Variants in WDR4 observed in about 807,000 individuals in gnomAD.
The protein encoded by WDR4 is tRNA (guanine-N(7)-)-methyltransferase non-catalytic subunit WDR4.
WDR4 carries 47 observed loss-of-function variants against 48.6 expected under a neutral mutation model. The ratio of observed to expected loss-of-function variants is 0.97; its 90% confidence interval spans 0.77 to 1.23. The LOEUF is 1.23. Ranked by LOEUF, WDR4 falls within the 50% of genes most tolerant of loss-of-function variation. WDR4 has a pLI of 0.00. For missense variants in WDR4, 606 were observed against 551.6 expected (o/e 1.10, Z -0.99); for synonymous variants, 268 against 230.0 (o/e 1.17, Z -1.49).
At chr21:42,859,563 G>GGCCAGCGATCCACAGGT in intron 6 of WDR4, 99 bp downstream of exon 6, 4 of 1,350,770 alleles carry the variant, frequency 3.0e-6, no homozygotes, top group Non-Finnish European at 4.1e-6. Context: ...GCCAGCCAGG[G>GGCCAGCGATCCACAGGT]GCCAGCGATC....
At chr21:42,848,954 G>A (rs1325305383), downstream of WDR4, among the ~76,000 whole-genome samples, 30 of 111,190 alleles carry the variant, frequency 2.7e-4, no homozygotes, top group East Asian at 1.7e-3. Context: ...ACGATCACGC[G>A]GCGCGCACCT....
chr21:42,848,793 G>A (rs1478597071), downstream of WDR4, among the ~76,000 whole-genome samples: 7 of 46,444 alleles, frequency 1.5e-4, no homozygotes, highest in South Asian at 9.4e-4. Context: ...ACACGATCAC[G>A]CGGCGCGCAC....
upstream of WDR4, among the ~76,000 whole-genome samples, chr21:42,884,324 G>A (rs568257553): frequency 9.2e-5 from 14 of 152,242 alleles, no homozygotes; most frequent in African/African-American, 2.9e-4. Flanking sequence ...ATTGAACCTG[G>A]GAGGTAGAGG....
At chr21:42,881,407 G>A (rs1397696603), upstream of WDR4, among the ~76,000 whole-genome samples, 1 of 152,072 alleles carries the variant, frequency 6.6e-6, no homozygotes, top group Non-Finnish European at 1.5e-5. Flanking sequence ...CAGTTTGTTT[G>A]TTTGTTTGTT....
chr21:42,876,666 T>G, intron 2 of WDR4, 36 bp downstream of exon 2: 1 of 1,599,770 alleles, frequency 6.3e-7, no homozygotes, highest in Admixed American at 1.7e-5. Context: ...ATCGAACCAT[T>G]AAAGCAGGCC....
the WDR4 span, among the ~76,000 whole-genome samples, chr21:42,890,254 G>A: frequency 0.6 from 91,251 of 151,732 alleles, 28,173 homozygotes; most frequent in African/African-American, 0.71. Context: ...AAAGAAGTTC[G>A]GCCAGGCACG....
chr21:42,862,259 GAGGGGCAGGA>G lies in WDR4; in HGVS notation c.566+13_566+22del, dbSNP rs761002982. 1.3e-6 allele frequency: 2 copies of G among 1,577,356 alleles called. No homozygotes were observed. The highest frequency in any genetic ancestry group is 2.7e-5 in the African/African-American group (2 of 74,240). ...TTTCAAACAGACCTTCTTTCTGCTG[GAGGGGCAGGA>G]AGGGGCACTCACTCTGTGTGCCCCA... is the stretch of plus-strand genomic sequence containing the variant. On this transcript the variant is annotated intron_variant, in intron 5 of 10. Coordinates refer to ENST00000398208, the MANE Select transcript of WDR4 (RefSeq NM_018669.6). The surrounding 1 kb of genome is among the most constrained non-coding windows in gnomAD (Gnocchi z 4.3).
chr21:42,868,779 C>T (rs1020157042), intron 3 of WDR4, among the ~76,000 whole-genome samples: 2 of 152,222 alleles, frequency 1.3e-5, no homozygotes, highest in African/African-American at 4.8e-5. Flanking sequence ...CCAAGGAAAC[C>T]GCTGGACACC....
downstream of WDR4, among the ~76,000 whole-genome samples, chr21:42,848,343 T>TCA (rs35351329): frequency 2.8e-5 from 4 of 140,756 alleles, no homozygotes; most frequent in Admixed American, 7.2e-5. Flanking sequence ...AGTGCGCACC[T>TCA]CACACACACA....
intron 6 of WDR4, among the ~76,000 whole-genome samples, chr21:42,859,100 C>G (rs1329196174): frequency 1.3e-5 from 2 of 152,136 alleles, no homozygotes; most frequent in African/African-American, 4.8e-5. Context: ...GACACAGAAG[C>G]TGTACCCAAC....
intron 7 of WDR4, among the ~76,000 whole-genome samples, chr21:42,855,079 G>A (rs1021197938): frequency 1.3e-5 from 2 of 151,242 alleles, no homozygotes; most frequent in Non-Finnish European, 2.9e-5. Flanking sequence ...GCTGTGAGTC[G>A]AGATAGCACC....
At chr21:42,881,322 A>G (rs2058609153), upstream of WDR4, among the ~76,000 whole-genome samples, 1 of 152,204 alleles carries the variant, frequency 6.6e-6, no homozygotes, top group Non-Finnish European at 1.5e-5. Context: ...TTACTTTGAG[A>G]ACTTGTTACC....
Position 42,855,765 on chromosome 21 carries a change from GC to G in WDR4, c.642del (p.Arg214SerfsTer120). 6.4e-7 allele frequency: 1 copy of G among 1,551,982 alleles called. No homozygotes were observed. Among genetic ancestry groups the G allele is most frequent in the Non-Finnish European group, 8.7e-7 (1 of 1,147,232 alleles). On this transcript the variant is annotated frameshift_variant, in exon 7 of 11. Coordinates refer to ENST00000398208, the MANE Select transcript of WDR4 (RefSeq NM_018669.6). LOFTEE classifies it high-confidence loss of function. ...LLSSSGDGTL[R>X]LWEYRSGRQL... Reference sequence around the variant, plus strand: ...TGGCGGCCGCTCCTGTACTCCCAGAGCCTCAGGGTGCCGTCCTGCACAAACC... The same window carrying G: ...TGGCGGCCGCTCCTGTACTCCCAGAGCTCAGGGTGCCGTCCTGCACAAACC...
chr21:42,846,205 C>T (rs2145978524), downstream of WDR4, among the ~76,000 whole-genome samples: 1 of 152,272 alleles, frequency 6.6e-6, no homozygotes, highest in Non-Finnish European at 1.5e-5. Flanking sequence ...GTGGAAACTA[C>T]CCAAATGCCC....
rs188718257 is a variant in WDR4, at chr21:42,862,359, G to A, written c.489C>T (p.Ala163=). 83 of 1,611,260 alleles carry A rather than the reference G, an allele frequency of 5.2e-5. No individual in the cohort carries two copies. Among genetic ancestry groups the A allele is most frequent in the East Asian group, 4.2e-4 (19 of 44,816 alleles). The change falls in exon 5 of 11, where the codon GCC becomes GCT. Residue 163 remains alanine (A), a synonymous_variant. Coordinates refer to ENST00000398208, the MANE Select transcript of WDR4 (RefSeq NM_018669.6). This position sits in a 1 kb window ranked among gnomAD's most constrained non-coding sequence, Gnocchi z 4.3. ...TGACTCGGATCTTCTCGTCCCGGTC[G>A]GCAGTGAGGATGAAGCGGTCATCAG... ...VSPDDRFILT[A]DRDEKIRVSW... is the part of the protein sequence containing the mutation.
chr21:42,855,811 T>G (rs1299170194), intron 6 of WDR4, 31 bp from the exon 7 acceptor site: 1 of 1,510,552 alleles, frequency 6.6e-7, no homozygotes, highest in African/African-American at 1.4e-5. Context: ...GGTTAGCACA[T>G]GGTTGTGGGG....
At chr21:42,856,988 G>A (rs2058010223) in intron 6 of WDR4, among the ~76,000 whole-genome samples, 1 of 152,200 alleles carries the variant, frequency 6.6e-6, no homozygotes, top group Non-Finnish European at 1.5e-5. Context: ...AAACCTGGGG[G>A]CTGGAGGCCA....
chr21:42,857,751 T>C (rs1213492679), intron 6 of WDR4, among the ~76,000 whole-genome samples: 1 of 151,936 alleles, frequency 6.6e-6, no homozygotes, highest in African/African-American at 2.4e-5. Flanking sequence ...TCCCAAGAAG[T>C]AAGACTATTC....
chr21:42,880,618 C>G (rs988676895), upstream of WDR4, among the ~76,000 whole-genome samples: 1 of 152,152 alleles, frequency 6.6e-6, no homozygotes, highest in Non-Finnish European at 1.5e-5. Flanking sequence ...CTTAACCAGG[C>G]CCGAGTTCTG....
Sources: allele counts gnomAD v4.1 joint callset (sites outside exome capture counted in the v4.1 genomes callset), GRCh38; gene constraint gnomAD v4.1.1; non-coding constraint Gnocchi (gnomAD v3.1); transcripts MANE v1.5; gene names NCBI Gene and HGNC (gene_info 2026-07-23, HGNC 2026-07-21).